ACACA: variants seen among roughly 807,000 people sequenced by gnomAD.
The protein encoded by ACACA is acetyl-CoA carboxylase alpha.
A neutral mutation model predicts 296.1 loss-of-function variants in ACACA; 103 were observed. That is an observed-to-expected ratio of 0.35 (90% CI 0.30 to 0.41). ACACA has a LOEUF of 0.41. ACACA is among the 10% of genes least tolerant of loss of function. ACACA has a pLI of 1.00. For synonymous variants in ACACA, 953 were observed against 1,038.6 expected (o/e 0.92, Z 1.58); for missense variants, 1,554 against 2,989.7 (o/e 0.52, Z 11.20).
chr17:37,242,345 C>T (rs1002330441), intron 22 of ACACA, among the ~76,000 whole-genome samples: 3 of 152,208 alleles, frequency 2.0e-5, no homozygotes, highest in African/African-American at 7.2e-5. Flanking sequence ...TCACTCCCCA[C>T]TTATCTACCT....
chr17:37,297,912 C>T (rs944589611), intron 3 of ACACA, among the ~76,000 whole-genome samples: 7 of 151,932 alleles, frequency 4.6e-5, no homozygotes, highest in Admixed American at 3.9e-4. Context: ...AATTTTGATA[C>T]TATATTATAT....
intron 54 of ACACA, among the ~76,000 whole-genome samples, chr17:37,089,396 A>G (rs764598659): frequency 2.6e-5 from 4 of 152,200 alleles, no homozygotes; most frequent in Non-Finnish European, 5.9e-5. Flanking sequence ...GAATTCAATA[A>G]CCTGACAGGT....
At chr17:37,293,724 T>C (rs1020756735) in intron 3 of ACACA, among the ~76,000 whole-genome samples, 1 of 151,958 alleles carries the variant, frequency 6.6e-6, no homozygotes, top group African/African-American at 2.4e-5. Context: ...ATATTTTCAG[T>C]AGAGATGGGG....
chr17:37,393,013 G>A (rs1430964621), intron 1 of ACACA, among the ~76,000 whole-genome samples: 2 of 151,726 alleles, frequency 1.3e-5, no homozygotes, highest in Admixed American at 6.6e-5. Context: ...ATGGTGGAGG[G>A]CACCTATAAT....
chr17:37,363,738 C>G (rs1255462449), intron 1 of ACACA, among the ~76,000 whole-genome samples: 1 of 151,872 alleles, frequency 6.6e-6, no homozygotes, highest in African/African-American at 2.4e-5. Context: ...GTAATCCCAG[C>G]ACTTTGGGAA....
In ACACA at chr17:37,395,289, G is replaced by A. The variant is rs142184174; in HGVS notation, c.38+10973C>T. Among the ~76,000 whole-genome samples the A allele has an allele frequency of 7.2e-3, 1,093 of 151,944 alleles. 8 individuals are homozygous for A. The highest frequency in any genetic ancestry group is 0.025 in the African/African-American group (1,033 of 41,460). ...ACTAAAAATACAAAAAATTAGTTGG[G>A]CATGGTGGCAGGCGCCTGTAATCCC... On this transcript the variant is annotated intron_variant, in intron 1 of 55. Transcript: ENST00000616317.
intron 41 of ACACA, among the ~76,000 whole-genome samples, chr17:37,164,445 G>T (rs554285840): frequency 6.6e-6 from 1 of 152,072 alleles, no homozygotes; most frequent in African/African-American, 2.4e-5. Context: ...ATAAATATAA[G>T]CTATTTAATA....
At chr17:37,155,820 T>C in intron 42 of ACACA, 40 bp from the exon 43 acceptor site, 1 of 1,334,852 alleles carries the variant, frequency 7.5e-7, no homozygotes, top group Non-Finnish European at 1.1e-6. Flanking sequence ...TATTTGCCAT[T>C]GTCATATAAT....
At chr17:37,371,856 C>A (rs1030134117) in intron 1 of ACACA, among the ~76,000 whole-genome samples, 1 of 151,656 alleles carries the variant, frequency 6.6e-6, no homozygotes, top group African/African-American at 2.4e-5. Flanking sequence ...GCTGAGATCA[C>A]GCCACCGTAC....
At chr17:37,198,275 C>A (rs551221278) in intron 35 of ACACA, among the ~76,000 whole-genome samples, 1 of 152,178 alleles carries the variant, frequency 6.6e-6, no homozygotes, top group South Asian at 2.1e-4. Context: ...TTATAGAAAC[C>A]AGTTAGTGTG....
chr17:37,226,456 A>G lies in ACACA; in HGVS notation c.3247-4T>C, dbSNP rs775175411. ...GGTCCCGGCCACACAACTGATCCTA[A>G]TTGTTAATGTAAAAAAGAACATAGA... On this transcript the variant is annotated splice_polypyrimidine_tract_variant and splice_region_variant and intron_variant, in intron 25 of 55. Coordinates refer to ENST00000616317, the MANE Select transcript of ACACA (RefSeq NM_198834.3). 1 of 1,608,184 alleles carries G rather than the reference A, an allele frequency of 6.2e-7. No individual in the cohort carries two copies. The highest frequency in any genetic ancestry group is 1.7e-5 in the Admixed American group (1 of 60,008).
chr17:37,277,979 C>T lies in ACACA; in HGVS notation c.637G>A (p.Val213Met). 6.2e-7 allele frequency: 1 copy of T among 1,613,742 alleles called. No homozygotes were observed. Among genetic ancestry groups the T allele is most frequent in the Non-Finnish European group, 8.5e-7 (1 of 1,179,670 alleles). ...TTGTTTGGTCCTCCAGGCACTGGCA[C>T]ATAGTGATCTGCCATCTTAATGTAT... is the stretch of plus-strand genomic sequence containing the variant. ...AEYIKMADHY[V>M]PVPGGPNNNN... The change falls in exon 6 of 56, where the codon GTG (valine) becomes ATG (methionine). Residue 213 changes from valine to methionine, a missense_variant. Physicochemically the swap from Val to Met is conservative, Grantham distance 21. Transcript: ENST00000616317.
At position 37,337,981 on chromosome 17, in the gene ACACA, C is replaced by T. The variant is rs535574761; in HGVS notation, c.85+1823G>A. The stretch of plus-strand genomic sequence containing the variant: ...GCGTAGTGGCGGGCACCTGTAGTCC[C>T]AGCTACTCGAGAGGCTGAGGCAGGA... On this transcript the variant is annotated intron_variant, in intron 2 of 55. Coordinates refer to ENST00000616317, the MANE Select transcript of ACACA (RefSeq NM_198834.3). Among the ~76,000 whole-genome samples, 823 of 151,878 alleles carry T rather than the reference C, an allele frequency of 5.4e-3. 9 individuals are homozygous for T. Among genetic ancestry groups the T allele is most frequent in the African/African-American group, 0.019 (775 of 41,480 alleles).
chr17:37,245,350 C>T (rs763511072), intron 19 of ACACA, 136 bp from the exon 20 acceptor site: 42 of 816,528 alleles, frequency 5.1e-5, no homozygotes, highest in Middle Eastern at 3.5e-4. Context: ...AATTTACCAT[C>T]ATCTCCTAGG....
chr17:37,345,506 AAC>A (rs1261524205), intron 1 of ACACA: 1 of 152,200 alleles, frequency 6.6e-6, no homozygotes, highest in East Asian at 1.9e-4. Context: ...CTTAAATATA[AAC>A]AGACAATAAA....
chr17:37,188,717 C>G (rs1422485589), intron 38 of ACACA, among the ~76,000 whole-genome samples: 1 of 152,064 alleles, frequency 6.6e-6, no homozygotes, highest in African/African-American at 2.4e-5. Flanking sequence ...ATAATAACAC[C>G]CAAATCTCTG....
chr17:37,124,784 C>T (rs1203695410), intron 48 of ACACA, among the ~76,000 whole-genome samples: 1 of 152,202 alleles, frequency 6.6e-6, no homozygotes, highest in Non-Finnish European at 1.5e-5. Flanking sequence ...GTGGGATTTG[C>T]CCTCTGATGG....
chr17:37,140,348 A>T (rs2075514784), intron 45 of ACACA, among the ~76,000 whole-genome samples: 1 of 152,194 alleles, frequency 6.6e-6, no homozygotes, highest in Admixed American at 6.5e-5. Context: ...AGTATGTAAT[A>T]ATTTTATATA....
chr17:37,137,730 C>A (rs2075391134), intron 45 of ACACA, among the ~76,000 whole-genome samples: 1 of 152,158 alleles, frequency 6.6e-6, no homozygotes, highest in South Asian at 2.1e-4. Flanking sequence ...ATGCCCCTCT[C>A]CCTCCCTCCC....
Sources: gnomAD v4.1 joint callset for allele counts (sites outside exome capture counted in the v4.1 genomes callset) on GRCh38, gnomAD v4.1.1 for gene constraint, MANE v1.5 for transcripts, NCBI Gene and HGNC (gene_info 2026-07-23, HGNC 2026-07-21) for gene names.